The following FSTL5 variants were observed in gnomAD, a reference collection of about 807,000 sequenced individuals.
FSTL5 encodes the protein follistatin like 5, also known as follistatin-related protein 5.
FSTL5 carries 62 observed loss-of-function variants against 89.1 expected under a neutral mutation model. The ratio of observed to expected loss-of-function variants is 0.70; its 90% confidence interval spans 0.57 to 0.86. The LOEUF (loss-of-function observed/expected upper bound fraction) is 0.86, where lower values mean the gene tolerates loss of function less well. FSTL5 is among the 40% of genes least tolerant of loss of function. The pLI is 0.00. For synonymous variants in FSTL5, 383 were observed against 346.2 expected (o/e 1.11, Z -1.18); for missense variants, 1,057 against 1,001.6 (o/e 1.06, Z -0.75).
intron 3 of FSTL5, among the ~76,000 whole-genome samples, chr4:162,000,542 G>A (rs927322547): frequency 1.3e-5 from 2 of 151,596 alleles, no homozygotes; most frequent in Admixed American, 1.3e-4. Flanking sequence ...AGGTTGCAGT[G>A]AGCCGAGATC....
intron 10 of FSTL5, among the ~76,000 whole-genome samples, chr4:161,530,646 T>A (rs1387517242): frequency 6.6e-6 from 1 of 152,176 alleles, no homozygotes; most frequent in East Asian, 1.9e-4. Context: ...CCTTATAGTA[T>A]ATTTATTATA....
chr4:161,853,411 G>T (rs893459974), intron 4 of FSTL5, among the ~76,000 whole-genome samples: 4 of 151,074 alleles, frequency 2.6e-5, no homozygotes, highest in Non-Finnish European at 5.9e-5. Context: ...AGGATTACAG[G>T]CACCTGCCAC....
At chr4:161,823,211 C>T (rs1214751480) in intron 4 of FSTL5, among the ~76,000 whole-genome samples, 3 of 152,136 alleles carry the variant, frequency 2.0e-5, no homozygotes, top group African/African-American at 7.2e-5. Flanking sequence ...GGCCGTCCCT[C>T]GCTTGAAGGT....
chr4:161,681,880 CT>C, intron 6 of FSTL5, among the ~76,000 whole-genome samples: 1 of 152,216 alleles, frequency 6.6e-6, no homozygotes, highest in Non-Finnish European at 1.5e-5. Context: ...GACAGCGATA[CT>C]TTCTTAGAAA....
At chr4:161,436,235 A>G (rs1578972631) in intron 15 of FSTL5, among the ~76,000 whole-genome samples, 1 of 152,182 alleles carries the variant, frequency 6.6e-6, no homozygotes, top group African/African-American at 2.4e-5. Flanking sequence ...AAAAGCACCC[A>G]ACTACTCATG....
chr4:162,098,048 A>T (rs74576420), intron 2 of FSTL5, among the ~76,000 whole-genome samples: 21,713 of 151,918 alleles, frequency 0.14, 2,004 homozygotes, highest in Non-Finnish European at 0.19. Context: ...CTGGTTTCCA[A>T]CATAGTAAAA....
At chr4:161,429,491 C>T (rs781638846) in intron 15 of FSTL5, among the ~76,000 whole-genome samples, 12 of 152,284 alleles carry the variant, frequency 7.9e-5, no homozygotes, top group South Asian at 2.1e-4. Flanking sequence ...ATCACCCCTC[C>T]GCCAGCTCCA....
intron 2 of FSTL5, among the ~76,000 whole-genome samples, chr4:162,061,334 T>C (rs1023342264): frequency 1.3e-5 from 2 of 152,138 alleles, no homozygotes; most frequent in Non-Finnish European, 2.9e-5. Flanking sequence ...GAAGCTGCTT[T>C]GAGAAGCAAC....
chr4:161,771,755 G>A (rs1171306083), intron 5 of FSTL5, among the ~76,000 whole-genome samples: 1 of 152,140 alleles, frequency 6.6e-6, no homozygotes, highest in East Asian at 1.9e-4. Context: ...ATAAAACACA[G>A]TTCTTGTAAA....
chr4:161,682,634 C>A (rs1369916640), intron 6 of FSTL5, among the ~76,000 whole-genome samples: 3 of 152,104 alleles, frequency 2.0e-5, no homozygotes, highest in Admixed American at 2.0e-4. Context: ...CACATCTTGT[C>A]CCACTGGAAG....
At chr4:161,824,113 A>C (rs1402210777) in intron 4 of FSTL5, among the ~76,000 whole-genome samples, 6 of 152,092 alleles carry the variant, frequency 3.9e-5, no homozygotes, top group Admixed American at 3.3e-4. Context: ...GGGGTTTTCT[A>C]ATGTTATTGC....
At chr4:162,128,847 A>T (rs1016762932) in intron 1 of FSTL5, among the ~76,000 whole-genome samples, 1 of 152,160 alleles carries the variant, frequency 6.6e-6, no homozygotes, top group Non-Finnish European at 1.5e-5. Flanking sequence ...GACTTCATAT[A>T]AAAAATATTG....
Position 161,516,820 on chromosome 4 carries a change from C to T in FSTL5, c.1313-6396G>A, listed in dbSNP as rs530564588. On this transcript the variant is annotated intron_variant, in intron 10 of 15. Transcript: ENST00000306100. The stretch of plus-strand genomic sequence containing the variant: ...AGGGGCTTCCATGATATGTCCTTGT[C>T]ATCTTCAACTCACATTCCAAACATC... 6.7e-5 allele frequency among the ~76,000 whole-genome samples: 10 copies of T among 149,892 alleles called. No individual in the cohort carries two copies. The Middle Eastern group carries it at 0.031, about 468-fold the overall frequency.
chr4:162,070,854 A>G (rs921560163), intron 2 of FSTL5, among the ~76,000 whole-genome samples: 1 of 151,798 alleles, frequency 6.6e-6, no homozygotes, highest in Non-Finnish European at 1.5e-5. Context: ...TCAGGCATGC[A>G]AACTTGAGGA....
At chr4:161,955,002 G>A (rs1196979155) in intron 3 of FSTL5, among the ~76,000 whole-genome samples, 1 of 150,890 alleles carries the variant, frequency 6.6e-6, no homozygotes, top group Non-Finnish European at 1.5e-5. Flanking sequence ...AAATGCATGA[G>A]GGAAATTTAC....
intron 7 of FSTL5, among the ~76,000 whole-genome samples, chr4:161,628,916 C>T (rs1052210804): frequency 1.3e-5 from 2 of 152,104 alleles, no homozygotes; most frequent in African/African-American, 4.8e-5. Flanking sequence ...GCATATTCAA[C>T]TCAATAGTAT....
At chr4:161,920,286 T>C in intron 4 of FSTL5, 118 bp downstream of exon 4, 1 of 936,856 alleles carries the variant, frequency 1.1e-6, no homozygotes, top group Non-Finnish European at 1.6e-6. Context: ...TTAGGCTATT[T>C]TGTGTTTCTT....
chr4:161,726,216 TTTTTCTTTTTC>T (rs1739400914), intron 6 of FSTL5, among the ~76,000 whole-genome samples: 1 of 78,772 alleles, frequency 1.3e-5, no homozygotes, highest in Non-Finnish European at 2.8e-5. Flanking sequence ...TTTTTTTTCT[TTTTTCTTTTTC>T]TTTTTTTTTT....
intron 15 of FSTL5, among the ~76,000 whole-genome samples, chr4:161,413,190 T>C (rs914991488): frequency 3.0e-5 from 4 of 132,166 alleles, no homozygotes; most frequent in African/African-American, 1.2e-4. Flanking sequence ...TCAGAATCTA[T>C]AGGGAACTTA....
Sources: allele counts gnomAD v4.1 joint callset (sites outside exome capture counted in the v4.1 genomes callset), GRCh38; gene constraint gnomAD v4.1.1; transcripts MANE v1.5; gene names NCBI Gene and HGNC (gene_info 2026-07-23, HGNC 2026-07-21).